Variants in PIP5K1C observed in about 807,000 individuals in gnomAD.
The protein encoded by PIP5K1C is phosphatidylinositol-4-phosphate 5-kinase type 1 gamma, also known as phosphatidylinositol 4-phosphate 5-kinase type-1 gamma.
In PIP5K1C, 45 loss-of-function variants were observed where a neutral mutation model predicts 80.1. The ratio of observed to expected loss-of-function variants is 0.56; its 90% CI spans 0.44 to 0.72. PIP5K1C has a LOEUF of 0.72. Ranked by LOEUF, PIP5K1C falls within the 30% of genes least tolerant of loss-of-function variation. PIP5K1C has a pLI of 0.00. For missense variants in PIP5K1C, 753 were observed against 954.6 expected, an observed-to-expected ratio of 0.79 and a Z score of 2.78; for synonymous variants, 498 against 420.1, an observed-to-expected ratio of 1.19 and a Z score of -2.27.
chr19:3,655,040 G>A (rs1308245144), intron 6 of PIP5K1C, among the ~76,000 whole-genome samples: 2 of 148,856 alleles, frequency 1.3e-5, no homozygotes. Context: ...CCCAGGAGGC[G>A]GAGCTTGCAG....
chr19:3,651,599 C>T (rs2034452637), intron 8 of PIP5K1C, among the ~76,000 whole-genome samples: 1 of 152,234 alleles, frequency 6.6e-6, no homozygotes, highest in African/African-American at 2.4e-5. Context: ...TGGGAAACGC[C>T]CCCACCATTG....
intron 1 of PIP5K1C, among the ~76,000 whole-genome samples, chr19:3,677,071 T>C (rs867008192): frequency 2.6e-5 from 4 of 151,928 alleles, no homozygotes; most frequent in Admixed American, 1.3e-4. Flanking sequence ...CACTGCACTC[T>C]AGCCTGGGCA....
chr19:3,643,585 G>T (rs965655683), intron 12 of PIP5K1C, among the ~76,000 whole-genome samples: 4 of 151,862 alleles, frequency 2.6e-5, no homozygotes, highest in African/African-American at 9.7e-5. Context: ...ATAGAATCCA[G>T]ACAGCCCAGA....
chr19:3,659,861 G>A (rs186375853), intron 5 of PIP5K1C, among the ~76,000 whole-genome samples: 23 of 152,282 alleles, frequency 1.5e-4, no homozygotes, highest in Admixed American at 1.5e-3. Flanking sequence ...AAGGCACAAG[G>A]AACCGACCAC....
rs2036258053 is a variant in PIP5K1C at position 3,700,321 on chromosome 19, C to G, written c.70G>C (p.Ala24Pro). The G allele has an allele frequency of 7.7e-7, 1 of 1,295,808 alleles. No homozygotes were observed. Among genetic ancestry groups the G allele is most frequent in the South Asian group, 1.5e-5 (1 of 66,020 alleles). 80.3% of individuals were successfully genotyped at this position (1,295,808 alleles called of 1,614,324 possible). A position where few individuals can be genotyped will look rare whatever the true frequency, so the allele number is the denominator to read the frequency against. The change falls in exon 1 of 18, where the codon GCG (alanine) becomes CCG (proline). Residue 24 changes from alanine to proline, a missense_variant. Physicochemically the swap from Ala to Pro is conservative, Grantham distance 27 (BLOSUM62 -1). Transcript: ENST00000335312. ...AGAVPSEAAW[A>P]AESGAAAGLA... is the part of the protein sequence containing the mutation. ...CCTGCCGCCGCCCCGCTCTCTGCCG[C>G]CCACGCCGCCTCCGAGGGCACGGCC...
intron 16 of PIP5K1C, among the ~76,000 whole-genome samples, chr19:3,638,415 C>T (rs2033797380): frequency 6.6e-6 from 1 of 152,222 alleles, no homozygotes; most frequent in Non-Finnish European, 1.5e-5. Flanking sequence ...GATAAGCCCA[C>T]CTGGCCACGC....
At chr19:3,680,277 C>T (rs1022265061) in intron 1 of PIP5K1C, among the ~76,000 whole-genome samples, 11 of 152,152 alleles carry the variant, frequency 7.2e-5, no homozygotes, top group East Asian at 1.9e-4. Context: ...ACCACTGAGG[C>T]GGCCGGCTCT....
chr19:3,638,737 G>A, intron 16 of PIP5K1C, 147 bp downstream of exon 16: 2 of 1,036,172 alleles, frequency 1.9e-6, no homozygotes, highest in Non-Finnish European at 2.9e-6. Context: ...TGAGAGTGCT[G>A]GCTGGTGAGA....
At chr19:3,699,066 G>A (rs1376851353) in intron 1 of PIP5K1C, among the ~76,000 whole-genome samples, 1 of 150,998 alleles carries the variant, frequency 6.6e-6, no homozygotes, top group Admixed American at 6.6e-5. Flanking sequence ...GTTTTCTTTT[G>A]GTCAGCGAGT....
At position 3,680,153 on chromosome 19, in the gene PIP5K1C, G is replaced by A. The variant is rs537745414; in HGVS notation, c.95-12800C>T. On this transcript the variant is annotated intron_variant, in intron 1 of 17. Coordinates refer to ENST00000335312, the MANE Select transcript of PIP5K1C (RefSeq NM_012398.3). ...CTCTTCTGATTCTGAGACTCCCAGC[G>A]TGGTGAATGGTGTCAGGTGATTGTC... Among the ~76,000 whole-genome samples the A allele has an allele frequency of 8.5e-5, 13 of 152,316 alleles. No individual in the cohort carries two copies. In the East Asian group the frequency reaches 1.2e-3, roughly 14 times the overall value.
intron 1 of PIP5K1C, among the ~76,000 whole-genome samples, chr19:3,677,010 G>A (rs188999779): frequency 2.9e-4 from 44 of 152,292 alleles, no homozygotes; most frequent in African/African-American, 1.0e-3. Context: ...GCTGAGGCGG[G>A]AGGATCACTT....
intron 1 of PIP5K1C, among the ~76,000 whole-genome samples, chr19:3,689,517 C>T (rs1444358146): frequency 6.6e-6 from 1 of 152,004 alleles, no homozygotes; most frequent in Non-Finnish European, 1.5e-5. Flanking sequence ...GGTGTGGTGG[C>T]GGGCGCCTGT....
chr19:3,687,800 C>T (rs1268017195), intron 1 of PIP5K1C, among the ~76,000 whole-genome samples: 4 of 151,304 alleles, frequency 2.6e-5, no homozygotes, highest in South Asian at 2.1e-4. Context: ...GGGTGCTCCC[C>T]GCAGGGCATA....
At chr19:3,643,159 G>C in intron 13 of PIP5K1C, 84 bp downstream of exon 13, 1 of 1,593,564 alleles carries the variant, frequency 6.3e-7, no homozygotes, top group Non-Finnish European at 8.5e-7. Flanking sequence ...ATGCACAGCG[G>C]ATGCCCCGCC....
intron 1 of PIP5K1C, among the ~76,000 whole-genome samples, chr19:3,678,070 T>A (rs1423634572): frequency 4.3e-4 from 23 of 54,020 alleles, no homozygotes; most frequent in Non-Finnish European, 6.5e-4. Flanking sequence ...GATGGAGAGA[T>A]GGAAGGAGAA....
intron 1 of PIP5K1C, among the ~76,000 whole-genome samples, chr19:3,694,026 C>T (rs1189241614): frequency 6.6e-6 from 1 of 152,082 alleles, no homozygotes; most frequent in African/African-American, 2.4e-5. Context: ...TCCTGGCTAA[C>T]ACGGTGAAAC....
intron 1 of PIP5K1C, among the ~76,000 whole-genome samples, chr19:3,670,765 C>T (rs1217629049): frequency 1.3e-5 from 2 of 151,678 alleles, no homozygotes; most frequent in South Asian, 2.1e-4. Flanking sequence ...GGGTGGGCAG[C>T]GGGTGGGCCC....
intron 5 of PIP5K1C, 33 bp downstream of exon 5, chr19:3,660,933 A>G: frequency 6.5e-7 from 1 of 1,542,054 alleles, no homozygotes; most frequent in Non-Finnish European, 9.0e-7. Flanking sequence ...TTCTGTTTCA[A>G]GCCTGGAAGC....
intron 10 of PIP5K1C, among the ~76,000 whole-genome samples, chr19:3,647,039 G>A (rs546518387): frequency 2.9e-5 from 4 of 137,296 alleles, no homozygotes; most frequent in African/African-American, 1.1e-4. Flanking sequence ...GATGGGAGGA[G>A]GGGTGCAGGT....
Sources: allele counts gnomAD v4.1 joint callset (sites outside exome capture counted in the v4.1 genomes callset), GRCh38; gene constraint gnomAD v4.1.1; transcripts MANE v1.5; gene names NCBI Gene and HGNC (gene_info 2026-07-23, HGNC 2026-07-21).